The following SLC14A2 variants were observed in gnomAD, a reference collection of about 807,000 sequenced individuals.
The protein encoded by SLC14A2 is urea transporter 2.
In SLC14A2, 91 loss-of-function variants were observed where a neutral mutation model predicts 104.6. That is an observed-to-expected ratio of 0.87 (90% CI 0.73 to 1.04). SLC14A2 has a LOEUF of 1.04. Ranked by LOEUF, SLC14A2 falls within the 50% of genes least tolerant of loss-of-function variation. The pLI is 0.00. For synonymous variants in SLC14A2, 476 were observed against 466.4 expected (o/e 1.02, Z -0.27); for missense variants, 1,189 against 1,156.0 (o/e 1.03, Z -0.41).
chr18:45,382,486 T>G (rs187470647), intron 1 of SLC14A2, among the ~76,000 whole-genome samples: 128 of 152,318 alleles, frequency 8.4e-4, no homozygotes, highest in Middle Eastern at 6.8e-3. Context: ...TGGTCTGCAA[T>G]ACATTTAGCC....
intron 1 of SLC14A2, among the ~76,000 whole-genome samples, chr18:45,361,831 G>A (rs887551625): frequency 6.6e-6 from 1 of 152,106 alleles, no homozygotes; most frequent in African/African-American, 2.4e-5. Context: ...AAAACCACTG[G>A]GTTAAAACAA....
At chr18:45,428,385 G>A (rs1390217053) in intron 1 of SLC14A2, among the ~76,000 whole-genome samples, 2 of 152,148 alleles carry the variant, frequency 1.3e-5, no homozygotes, top group Admixed American at 6.5e-5. Context: ...CTGTAAAATG[G>A]CAACTACAGA....
chr18:45,226,888 T>C (rs974106446), intron 1 of SLC14A2, among the ~76,000 whole-genome samples: 1 of 152,034 alleles, frequency 6.6e-6, no homozygotes, highest in Non-Finnish European at 1.5e-5. Flanking sequence ...AAGTTTATTT[T>C]CCTCTCCTAA....
chr18:45,322,295 T>A (rs1041537850), intron 1 of SLC14A2, among the ~76,000 whole-genome samples: 2 of 152,212 alleles, frequency 1.3e-5, no homozygotes, highest in African/African-American at 4.8e-5. Context: ...GCCTGGAGGT[T>A]GTGGCCATTT....
At chr18:45,462,630 T>C (rs1568219083) in intron 1 of SLC14A2, among the ~76,000 whole-genome samples, 4 of 152,186 alleles carry the variant, frequency 2.6e-5, no homozygotes, top group Non-Finnish European at 5.9e-5. Flanking sequence ...AATTATTTAG[T>C]AGGAAAGCTT....
chr18:45,555,748 C>G (rs1177288977), intron 2 of SLC14A2, among the ~76,000 whole-genome samples: 2 of 152,136 alleles, frequency 1.3e-5, no homozygotes, highest in Admixed American at 6.5e-5. Flanking sequence ...GCTTAATGTT[C>G]CCTCATGGAG....
chr18:45,327,874 TAGAC>T (rs1443859294), intron 1 of SLC14A2, among the ~76,000 whole-genome samples: 2 of 152,200 alleles, frequency 1.3e-5, no homozygotes, highest in Non-Finnish European at 2.9e-5. Context: ...GGTAAATTCA[TAGAC>T]AGCCTCTGAA....
At chr18:45,614,297 C>A (rs1233400462), upstream of SLC14A2, among the ~76,000 whole-genome samples, 2 of 152,310 alleles carry the variant, frequency 1.3e-5, no homozygotes, top group African/African-American at 4.8e-5. Context: ...GATGTCCAGG[C>A]AAAAGTTTGC....
At chr18:45,472,589 C>T (rs940614985) in intron 1 of SLC14A2, among the ~76,000 whole-genome samples, 3 of 152,134 alleles carry the variant, frequency 2.0e-5, no homozygotes, top group African/African-American at 7.2e-5. Context: ...GAGATGGTAT[C>T]GCATTGTGGT....
chr18:45,560,976 T>C (rs1165975958), intron 2 of SLC14A2, among the ~76,000 whole-genome samples: 1 of 152,200 alleles, frequency 6.6e-6, no homozygotes, highest in African/African-American at 2.4e-5. Flanking sequence ...GGTCATTCCC[T>C]GACAGAGAGA....
intron 1 of SLC14A2, among the ~76,000 whole-genome samples, chr18:45,414,744 T>TAAAAAAAAAAAAA (rs531366886): frequency 1.9e-5 from 1 of 52,380 alleles, no homozygotes; most frequent in Non-Finnish European, 3.1e-5. Flanking sequence ...GCACCGAGCG[T>TAAAAAAAAAAAAA]AAAAAAAAAA....
intron 2 of SLC14A2, among the ~76,000 whole-genome samples, chr18:45,553,803 A>T (rs979038991): frequency 1.3e-5 from 2 of 152,194 alleles, no homozygotes; most frequent in African/African-American, 4.8e-5. Context: ...TATAGCTAGA[A>T]CATAACATTT....
Position 45,568,186 on chromosome 18 carries a change from A to G in SLC14A2, c.-34-56445A>G, listed in dbSNP as rs560412790. On this transcript the variant is annotated intron_variant, in intron 2 of 20. Coordinates refer to the SLC14A2 transcript ENST00000586448. ...CCTGTGTCTTCCTGAGGGATCCTTC[A>G]CTCCCACTGCCATCCCCAGCAGGCT... Among the ~76,000 whole-genome samples the G allele has an allele frequency of 1.2e-3, 177 of 151,938 alleles. 1 individual carries two copies. The highest frequency in any genetic ancestry group is 6.8e-3 in the Middle Eastern group (2 of 292).
At chr18:45,362,083 A>G (rs1329590184) in intron 1 of SLC14A2, among the ~76,000 whole-genome samples, 2 of 152,198 alleles carry the variant, frequency 1.3e-5, no homozygotes, top group Non-Finnish European at 2.9e-5. Flanking sequence ...TTCCCATGGT[A>G]GTGAGTGAGT....
At chr18:45,267,634 A>G (rs1250703634) in intron 1 of SLC14A2, among the ~76,000 whole-genome samples, 1 of 152,220 alleles carries the variant, frequency 6.6e-6, no homozygotes, top group Non-Finnish European at 1.5e-5. Context: ...ATGTCAAAGA[A>G]CATCAGACCT....
At chr18:45,307,135 G>T (rs867373010) in intron 1 of SLC14A2, among the ~76,000 whole-genome samples, 2 of 152,072 alleles carry the variant, frequency 1.3e-5, no homozygotes, top group African/African-American at 4.8e-5. Context: ...GACTAACCTT[G>T]GCCGGGCGTG....
At chr18:45,566,177 G>A (rs768120704) in intron 2 of SLC14A2, among the ~76,000 whole-genome samples, 19 of 151,878 alleles carry the variant, frequency 1.3e-4, no homozygotes, top group African/African-American at 1.9e-4. Flanking sequence ...TGGGCTAGGC[G>A]TTCAGCACTC....
At chr18:45,480,582 A>T (rs995204294) in intron 1 of SLC14A2, among the ~76,000 whole-genome samples, 8 of 152,230 alleles carry the variant, frequency 5.3e-5, no homozygotes, top group Non-Finnish European at 8.8e-5. Context: ...CAGGTACATC[A>T]GTGCTCTTTC....
intron 10 of SLC14A2, among the ~76,000 whole-genome samples, chr18:45,645,832 T>C (rs1013286431): frequency 3.9e-5 from 6 of 152,018 alleles, no homozygotes; most frequent in Non-Finnish European, 8.8e-5. Context: ...TGAGCTAGAT[T>C]TGGTCCACAA....
Sources: gnomAD v4.1 joint callset for allele counts (sites outside exome capture counted in the v4.1 genomes callset) on GRCh38, gnomAD v4.1.1 for gene constraint, MANE v1.5 for transcripts, NCBI Gene and HGNC (gene_info 2026-07-23, HGNC 2026-07-21) for gene names.